The following LRRC4C variants were observed in gnomAD, a reference collection of about 807,000 sequenced individuals.
The protein encoded by LRRC4C is leucine rich repeat containing 4C.
A neutral mutation model predicts 33.6 loss-of-function variants in LRRC4C; 5 were observed. The ratio of observed to expected loss-of-function variants is 0.15; its 90% CI spans 0.08 to 0.31. The LOEUF is 0.31. Ranked by LOEUF, LRRC4C falls within the 10% of genes least tolerant of loss-of-function variation. The pLI, the probability that LRRC4C is intolerant of heterozygous loss-of-function variation, is 1.00. For synonymous variants in LRRC4C, 329 were observed against 302.0 expected (o/e 1.09, Z -0.93); for missense variants, 560 against 796.7 (o/e 0.70, Z 3.58).
At chr11:40,150,407 G>A (rs1055119907) in intron 5 of LRRC4C, among the ~76,000 whole-genome samples, 1 of 152,204 alleles carries the variant, frequency 6.6e-6, no homozygotes, top group Non-Finnish European at 1.5e-5. Context: ...TATATGCAAT[G>A]AAAAACTCAT....
At chr11:40,480,734 T>G (rs192825820) in intron 3 of LRRC4C, among the ~76,000 whole-genome samples, 1 of 152,098 alleles carries the variant, frequency 6.6e-6, no homozygotes, top group Non-Finnish European at 1.5e-5. Context: ...ATATATACAA[T>G]GGAATATTAT....
intron 1 of LRRC4C, among the ~76,000 whole-genome samples, chr11:41,313,871 AT>A (rs879610598): frequency 1.3e-5 from 2 of 150,972 alleles, no homozygotes; most frequent in African/African-American, 2.4e-5. Context: ...CTACTCTGAC[AT>A]TTTTTTTTGC....
intron 1 of LRRC4C, among the ~76,000 whole-genome samples, chr11:41,118,325 A>G (rs1942245790): frequency 6.6e-6 from 1 of 152,156 alleles, no homozygotes; most frequent in Admixed American, 6.5e-5. Flanking sequence ...AGCCCCCAAA[A>G]GTTGTCAGAC....
chr11:41,266,052 T>C (rs552986176), intron 1 of LRRC4C, among the ~76,000 whole-genome samples: 10 of 152,230 alleles, frequency 6.6e-5, no homozygotes, highest in African/African-American at 2.4e-4. Flanking sequence ...TTATTGTTTT[T>C]GGCATATAAC....
chr11:41,445,747 T>C (rs1167730777), intron 1 of LRRC4C, among the ~76,000 whole-genome samples: 1 of 152,114 alleles, frequency 6.6e-6, no homozygotes, highest in Non-Finnish European at 1.5e-5. Context: ...GAATTAAATA[T>C]AAATGTGTGA....
At chr11:41,041,531 A>G (rs1440076204) in intron 1 of LRRC4C, among the ~76,000 whole-genome samples, 1 of 147,836 alleles carries the variant, frequency 6.8e-6, no homozygotes, top group Non-Finnish European at 1.5e-5. Context: ...AGTACTCTAG[A>G]TTTTATAAAG....
At chr11:40,703,503 C>A (rs1565652622) in intron 2 of LRRC4C, among the ~76,000 whole-genome samples, 1 of 152,032 alleles carries the variant, frequency 6.6e-6, no homozygotes, top group South Asian at 2.1e-4. Context: ...CACTTGAGCC[C>A]TGGAGGTTGA....
intron 1 of LRRC4C, among the ~76,000 whole-genome samples, chr11:41,402,964 G>A (rs976388364): frequency 1.3e-4 from 19 of 151,952 alleles, no homozygotes; most frequent in African/African-American, 3.1e-4. Flanking sequence ...ACATGTTCAC[G>A]CCGTAAATCA....
intron 3 of LRRC4C, among the ~76,000 whole-genome samples, chr11:40,380,002 A>G (rs930136701): frequency 1.1e-4 from 16 of 152,322 alleles, no homozygotes; most frequent in Non-Finnish European, 2.4e-4. Context: ...ATGCAGATTA[A>G]TAAATGGCCT....
intron 1 of LRRC4C, among the ~76,000 whole-genome samples, chr11:41,183,756 G>A (rs12794720): frequency 6.6e-6 from 1 of 152,150 alleles, no homozygotes; most frequent in African/African-American, 2.4e-5. Context: ...ACTCTGTGTG[G>A]GGGCTCTGAC....
chr11:40,163,390 G>A (rs1012289240), intron 5 of LRRC4C, among the ~76,000 whole-genome samples: 3 of 152,136 alleles, frequency 2.0e-5, no homozygotes, highest in Non-Finnish European at 4.4e-5. Flanking sequence ...CTGAATGACA[G>A]TAAGGTAATA....
At chr11:40,196,663 G>A (rs1435406050) in intron 5 of LRRC4C, among the ~76,000 whole-genome samples, 1 of 152,166 alleles carries the variant, frequency 6.6e-6, no homozygotes, top group Admixed American at 6.5e-5. Flanking sequence ...GAAAGGCAGA[G>A]TAGATCTAAG....
chr11:40,912,689 C>T (rs991727961), intron 2 of LRRC4C, among the ~76,000 whole-genome samples: 1 of 152,094 alleles, frequency 6.6e-6, no homozygotes, highest in Non-Finnish European at 1.5e-5. Context: ...CAAATTCACA[C>T]ATAACAATAT....
At chr11:41,035,098 T>C (rs1856982547) in intron 1 of LRRC4C, among the ~76,000 whole-genome samples, 2 of 151,504 alleles carry the variant, frequency 1.3e-5, no homozygotes, top group Admixed American at 1.3e-4. Flanking sequence ...TGATTTTACC[T>C]GTTTAAAAAA....
intron 6 of LRRC4C, among the ~76,000 whole-genome samples, chr11:40,117,643 C>T (rs1855528564): frequency 6.6e-6 from 1 of 151,566 alleles, no homozygotes; most frequent in Non-Finnish European, 1.5e-5. Flanking sequence ...GTAATAACTT[C>T]TCCCAAGTCT....
intron 1 of LRRC4C, among the ~76,000 whole-genome samples, chr11:40,987,734 T>C (rs2137195191): frequency 6.7e-6 from 1 of 148,238 alleles, no homozygotes; most frequent in Admixed American, 6.8e-5. Flanking sequence ...GTTTCTGTTT[T>C]AAAAAAATCG....
chr11:41,085,557 C>T (rs1436851048), intron 1 of LRRC4C, among the ~76,000 whole-genome samples: 1 of 152,010 alleles, frequency 6.6e-6, no homozygotes, highest in African/African-American at 2.4e-5. Flanking sequence ...GATCAAATAA[C>T]TCAATGCCTA....
At chr11:40,736,757 T>A (rs557468823) in intron 2 of LRRC4C, among the ~76,000 whole-genome samples, 1 of 152,286 alleles carries the variant, frequency 6.6e-6, no homozygotes, top group Admixed American at 6.5e-5. Flanking sequence ...ATTTCTTGAA[T>A]GACCAATGAT....
At chr11:40,578,156 T>G (rs1958297831) in intron 3 of LRRC4C, among the ~76,000 whole-genome samples, 1 of 133,016 alleles carries the variant, frequency 7.5e-6, no homozygotes, top group Non-Finnish European at 1.6e-5. Context: ...TTTTTTTTTT[T>G]TTTTTTTTTT....
Sources: allele counts gnomAD v4.1 joint callset (sites outside exome capture counted in the v4.1 genomes callset), GRCh38; gene constraint gnomAD v4.1.1; transcripts MANE v1.5; gene names NCBI Gene and HGNC (gene_info 2026-07-23, HGNC 2026-07-21).